OLFML2A: variants seen among roughly 807,000 people sequenced by gnomAD.
OLFML2A encodes olfactomedin-like protein 2A.
Under a neutral mutation model 60.9 loss-of-function variants are expected in OLFML2A, and 47 were observed. The ratio of observed to expected loss-of-function variants is 0.77; its 90% CI spans 0.61 to 0.98. The LOEUF (loss-of-function observed/expected upper bound fraction) is 0.98. Ranked by LOEUF, OLFML2A falls within the 50% of genes least tolerant of loss-of-function variation. The pLI is 0.00. For synonymous variants in OLFML2A, 372 were observed against 375.0 expected, an observed-to-expected ratio of 0.99 and a Z score of 0.09; for missense variants, 922 against 879.8, an observed-to-expected ratio of 1.05 and a Z score of -0.61.
At chr9:124,796,324 A>T (rs969996685) in intron 3 of OLFML2A, among the ~76,000 whole-genome samples, 5 of 152,196 alleles carry the variant, frequency 3.3e-5, no homozygotes, top group Admixed American at 2.0e-4. Context: ...CTGTGCAGCT[A>T]GTACATTCCA....
Position 124,809,811 on chromosome 9 carries a change from G to A in OLFML2A, c.1358G>A (p.Arg453His), listed in dbSNP as rs201784600. 2.3e-5 allele frequency: 37 copies of A among 1,597,788 alleles called. No individual in the cohort carries two copies. Among genetic ancestry groups the A allele is most frequent in the East Asian group, 9.0e-5 (4 of 44,624 alleles). ...TGACCATCGCCCTCGCCTGCAGGCC[G>A]CTGGAGTAACATGTACAAGCTACCC... ...FRNLENFKQG[R>H]WSNMYKLPYN... Residue 453 changes from arginine to histidine, a missense_variant, in exon 8 of 8, where the codon CGC becomes CAC. Coordinates refer to ENST00000373580, the MANE Select transcript of OLFML2A (RefSeq NM_182487.4).
At chr9:124,793,546 T>G (rs1419932840) in intron 2 of OLFML2A, among the ~76,000 whole-genome samples, 1 of 152,340 alleles carries the variant, frequency 6.6e-6, no homozygotes, top group African/African-American at 2.4e-5. Flanking sequence ...CGTGGATTTA[T>G]ATGAATTTGG....
At chr9:124,806,801 G>T (rs1304152452) in intron 6 of OLFML2A, among the ~76,000 whole-genome samples, 2 of 151,506 alleles carry the variant, frequency 1.3e-5, no homozygotes, top group African/African-American at 2.4e-5. Flanking sequence ...GTAGAGATGG[G>T]GTTTCACCAC....
At position 124,785,821 on chromosome 9, in the gene OLFML2A, T is replaced by C. The variant is rs183440724; in HGVS notation, c.91-1154T>C. The stretch of plus-strand genomic sequence containing the variant: ...AAACTTTTTCACAGCGCCATTAATA[T>C]TTAAATTGTCGAACCAGGTGAGGTG... On this transcript the variant is annotated intron_variant, in intron 1 of 7. Coordinates refer to ENST00000373580, the MANE Select transcript of OLFML2A (RefSeq NM_182487.4). 6.0e-4 allele frequency among the ~76,000 whole-genome samples: 92 copies of C among 152,296 alleles called. 1 individual carries two copies. The highest frequency in any genetic ancestry group is 1.0e-3 in the Non-Finnish European group (69 of 68,020).
At position 124,807,622 on chromosome 9, in the gene OLFML2A, G is replaced by A. The variant is rs118100850; in HGVS notation, c.1169-159G>A. Among the ~76,000 whole-genome samples, 694 of 152,248 alleles carry A rather than the reference G, an allele frequency of 4.6e-3. 18 individuals are homozygous for A. The highest frequency in any genetic ancestry group is 0.029 in the East Asian group (150 of 5,184). On this transcript the variant is annotated intron_variant, in intron 6 of 7. Transcript: ENST00000373580. The stretch of plus-strand genomic sequence containing the variant: ...CTGAATGTTTTATGTTTTTGGTAAC[G>A]ATCAGGCATTGTTTTGATGATGAGG...
At chr9:124,787,722 T>C (rs549502757) in intron 2 of OLFML2A, among the ~76,000 whole-genome samples, 3 of 151,378 alleles carry the variant, frequency 2.0e-5, no homozygotes, top group East Asian at 4.0e-4. Context: ...CCACACCTAG[T>C]TAACTTTTGT....
intron 6 of OLFML2A, among the ~76,000 whole-genome samples, chr9:124,804,973 G>T (rs1841861652): frequency 6.6e-6 from 1 of 152,086 alleles, no homozygotes; most frequent in African/African-American, 2.4e-5. Flanking sequence ...AAAGTGCTGG[G>T]ATTACAGGCA....
Position 124,777,239 on chromosome 9 carries a change from C to T in OLFML2A, c.-32C>T, listed in dbSNP as rs918623612. The T allele has an allele frequency of 6.0e-5, 55 of 923,550 alleles. No homozygotes were observed. The highest frequency in any genetic ancestry group is 7.6e-5 in the Non-Finnish European group (54 of 710,946). 57.2% of individuals were successfully genotyped at this position (923,550 alleles called of 1,614,324 possible). On this transcript the variant is annotated 5_prime_UTR_variant, in exon 1 of 8. Coordinates refer to ENST00000373580, the MANE Select transcript of OLFML2A (RefSeq NM_182487.4). This position sits in a 1 kb window ranked among gnomAD's most constrained non-coding sequence, Gnocchi z 6.2. ...GCCCGCGCTTCCCAGCGTCCGTGCC[C>T]GGCCGCCTGTGCCTACCGTGCCCGT...
At chr9:124,808,188 C>A (rs1841940692) in intron 7 of OLFML2A, among the ~76,000 whole-genome samples, 1 of 152,232 alleles carries the variant, frequency 6.6e-6, no homozygotes, top group African/African-American at 2.4e-5. Flanking sequence ...CTGCCAGGAA[C>A]CAGAATGCAG....
chr9:124,784,672 C>T (rs1841424630), intron 1 of OLFML2A, among the ~76,000 whole-genome samples: 1 of 152,178 alleles, frequency 6.6e-6, no homozygotes, highest in South Asian at 2.1e-4. Context: ...AGCATCACCA[C>T]TATCTATTAA....
chr9:124,805,807 G>GGTTTTTTT (rs1841884816), intron 6 of OLFML2A, among the ~76,000 whole-genome samples: 27 of 115,428 alleles, frequency 2.3e-4, no homozygotes, highest in African/African-American at 8.7e-4. Flanking sequence ...TGGTTTTTTT[G>GGTTTTTTT]GTTTTTTTTT....
In OLFML2A at chr9:124,810,194, G is replaced by C; in HGVS notation, c.1741G>C (p.Val581Leu). Residue 581 changes from valine (V) to leucine (L), a missense_variant, in exon 8 of 8, where the codon GTG becomes CTG. By Grantham distance (32) the Val-to-Leu change is conservative. Coordinates refer to ENST00000373580, the MANE Select transcript of OLFML2A (RefSeq NM_182487.4). ...RRNSYGNCFL[V>L]CGILYAVDTY... ...GAACTCCTACGGGAACTGCTTCCTG[G>C]TGTGCGGCATCCTGTATGCCGTGGA... The C allele has an allele frequency of 1.2e-6, 2 of 1,613,850 alleles. No individual in the cohort carries two copies. The highest frequency in any genetic ancestry group is 1.6e-4 in the Middle Eastern group (1 of 6,062).
Position 124,787,081 on chromosome 9 carries a change from G to C in OLFML2A, c.197G>C (p.Ser66Thr), listed in dbSNP as rs762718623. 1 of 1,614,174 alleles carries C rather than the reference G, an allele frequency of 6.2e-7. No homozygotes were observed. The highest frequency in any genetic ancestry group is 8.5e-7 in the Non-Finnish European group (1 of 1,180,044). The change falls in exon 2 of 8, where the codon AGT (serine) becomes ACT (threonine). Residue 66 changes from serine to threonine, a missense_variant. Coordinates refer to ENST00000373580, the MANE Select transcript of OLFML2A (RefSeq NM_182487.4). ...LSKDACSRVRSGRARVEDFYT... is the reference protein window; with the variant it reads ...LSKDACSRVRTGRARVEDFYT... Reference sequence around the variant, plus strand: ...AAGGACGCGTGTAGCCGAGTGCGCAGTGGGCGGGCACGCGTGGAGGACTTC... The same window carrying C: ...AAGGACGCGTGTAGCCGAGTGCGCACTGGGCGGGCACGCGTGGAGGACTTC...
chr9:124,786,079 A>C (rs1314517384), intron 1 of OLFML2A, among the ~76,000 whole-genome samples: 1 of 152,178 alleles, frequency 6.6e-6, no homozygotes, highest in Non-Finnish European at 1.5e-5. Flanking sequence ...CCACCACTGC[A>C]TTCCAACCTG....
chr9:124,812,376 GT>G lies in OLFML2A; in HGVS notation c.*1965del, dbSNP rs1842037999. 6.6e-6 allele frequency: 1 copy of G among 152,210 alleles called. No individual in the cohort carries two copies. 9.4% of individuals were successfully genotyped at this position (152,210 alleles called of 1,614,324 possible). On this transcript the variant is annotated 3_prime_UTR_variant, in exon 8 of 8. Transcript: ENST00000373580. The stretch of plus-strand genomic sequence containing the variant: ...GGGTTTCACCACGTTGGCCAGGCTG[GT>G]CTCGAACTCCTGACCTTAGGTGATC...
rs1841317441 is a variant in OLFML2A at position 124,779,373 on chromosome 9, C to T, written c.90+2013C>T. ...AGGTAACCTGATCAGTGCCTTGTCA[C>T]CACTGGGATCTCTGGCTGGGAGGGA... On this transcript the variant is annotated intron_variant, in intron 1 of 7. Transcript: ENST00000373580. This position sits in a 1 kb window ranked among gnomAD's most constrained non-coding sequence, Gnocchi z 4.1. 6.6e-6 allele frequency among the ~76,000 whole-genome samples: 1 copy of T among 152,174 alleles called. No homozygotes were observed. The highest frequency in any genetic ancestry group is 2.4e-5 in the African/African-American group (1 of 41,432).
chr9:124,789,008 C>T (rs562727036), intron 2 of OLFML2A, among the ~76,000 whole-genome samples: 34 of 152,316 alleles, frequency 2.2e-4, no homozygotes, highest in Non-Finnish European at 4.1e-4. Flanking sequence ...ACACAGTTCA[C>T]TGCAGCCTCA....
intron 6 of OLFML2A, among the ~76,000 whole-genome samples, chr9:124,806,793 A>C (rs546434145): frequency 6.6e-6 from 1 of 151,496 alleles, no homozygotes; most frequent in East Asian, 2.0e-4. Context: ...TATTTTTAGT[A>C]GAGATGGGGT....
intron 6 of OLFML2A, among the ~76,000 whole-genome samples, chr9:124,805,038 C>T (rs966752295): frequency 1.3e-5 from 2 of 152,180 alleles, no homozygotes; most frequent in African/African-American, 4.8e-5. Context: ...CTTAAAATGT[C>T]ACCTAGAATG....
Sources: gnomAD v4.1 joint callset for allele counts (sites outside exome capture counted in the v4.1 genomes callset) on GRCh38, gnomAD v4.1.1 for gene constraint, Gnocchi (gnomAD v3.1) non-coding constraint, MANE v1.5 for transcripts, NCBI Gene and HGNC (gene_info 2026-07-23, HGNC 2026-07-21) for gene names.